The following ATG10 variants were observed in gnomAD, a reference collection of about 807,000 sequenced individuals.
ATG10 encodes the protein ubiquitin-like-conjugating enzyme ATG10.
A neutral mutation model predicts 32.1 loss-of-function variants in ATG10; 30 were observed. That is an observed-to-expected ratio of 0.94 (90% CI 0.70 to 1.27). ATG10 has a LOEUF of 1.27. ATG10 is among the 50% of genes most tolerant of loss of function. The pLI, the probability that ATG10 is intolerant of heterozygous loss-of-function variation, is 0.00. For missense variants in ATG10, 233 were observed against 262.3 expected (o/e 0.89, Z 0.77); for synonymous variants, 87 against 91.5 (o/e 0.95, Z 0.28).
intron 3 of ATG10, among the ~76,000 whole-genome samples, chr5:82,143,561 C>A (rs1350376261): frequency 6.6e-6 from 1 of 152,214 alleles, no homozygotes; most frequent in East Asian, 1.9e-4. Flanking sequence ...ATGACAGTAG[C>A]TAGTGGGGGA....
intron 5 of ATG10, among the ~76,000 whole-genome samples, chr5:82,203,678 A>G (rs1222607406): frequency 6.6e-6 from 1 of 151,978 alleles, no homozygotes; most frequent in Non-Finnish European, 1.5e-5. Context: ...CTTTATTATG[A>G]TGACTGATAT....
intron 2 of ATG10, among the ~76,000 whole-genome samples, chr5:82,022,994 TAC>T (rs1035051506): frequency 6.7e-6 from 1 of 148,406 alleles, no homozygotes; most frequent in Non-Finnish European, 1.5e-5. Flanking sequence ...TATGTATATA[TAC>T]ACACACATAA....
chr5:81,983,991 C>T (rs866361995), intron 1 of ATG10, among the ~76,000 whole-genome samples: 13 of 152,238 alleles, frequency 8.5e-5, no homozygotes, highest in Middle Eastern at 3.4e-3. Flanking sequence ...GGATGGCGGC[C>T]GGGCAGAGAC....
intron 2 of ATG10, among the ~76,000 whole-genome samples, chr5:82,015,010 T>C (rs1762240436): frequency 6.6e-6 from 1 of 152,230 alleles, no homozygotes; most frequent in African/African-American, 2.4e-5. Flanking sequence ...GGAGCTCTTT[T>C]AGGGCAGGCC....
intron 5 of ATG10, among the ~76,000 whole-genome samples, chr5:82,194,918 GGGTT>G (rs1197152542): frequency 6.6e-6 from 1 of 152,122 alleles, no homozygotes; most frequent in Non-Finnish European, 1.5e-5. Flanking sequence ...CCTTGCTTCT[GGGTT>G]ATTAAGCTAA....
chr5:82,148,972 A>C (rs774110412), intron 3 of ATG10, among the ~76,000 whole-genome samples: 6 of 151,890 alleles, frequency 4.0e-5, no homozygotes, highest in African/African-American at 1.2e-4. Context: ...TTCTTTCCCT[A>C]TTAGAAATTT....
chr5:82,237,472 C>T (rs1044390970), intron 5 of ATG10, among the ~76,000 whole-genome samples: 2 of 152,054 alleles, frequency 1.3e-5, no homozygotes, highest in East Asian at 1.9e-4. Flanking sequence ...GATGAAACCC[C>T]GCCTCTACTA....
intron 3 of ATG10, among the ~76,000 whole-genome samples, chr5:82,110,648 T>C (rs1765588576): frequency 6.6e-6 from 1 of 152,078 alleles, no homozygotes. Flanking sequence ...GATGGGGTTG[T>C]TTGTTTTTTT....
chr5:82,174,019 G>A (rs1056704773), intron 4 of ATG10, among the ~76,000 whole-genome samples: 35 of 152,216 alleles, frequency 2.3e-4, no homozygotes, highest in Admixed American at 3.9e-4. Flanking sequence ...AAATATCCCA[G>A]TTTGTTTCAG....
At chr5:82,091,134 A>G (rs1581681206) in intron 3 of ATG10, among the ~76,000 whole-genome samples, 1 of 152,236 alleles carries the variant, frequency 6.6e-6, no homozygotes, top group South Asian at 2.1e-4. Flanking sequence ...GTAGAACAGT[A>G]TAAGAGATAT....
At chr5:82,189,540 A>G (rs537277368) in intron 5 of ATG10, among the ~76,000 whole-genome samples, 13 of 152,328 alleles carry the variant, frequency 8.5e-5, no homozygotes, top group African/African-American at 2.9e-4. Flanking sequence ...TTACACTGTT[A>G]AAGTCTTTAC....
intron 2 of ATG10, among the ~76,000 whole-genome samples, chr5:82,006,879 G>C (rs928061253): frequency 8.5e-5 from 13 of 152,252 alleles, no homozygotes; most frequent in African/African-American, 3.1e-4. Context: ...TTTTGAGACA[G>C]AGTCTCGCTC....
At chr5:82,032,252 A>G (rs532576649) in intron 2 of ATG10, among the ~76,000 whole-genome samples, 1 of 152,288 alleles carries the variant, frequency 6.6e-6, no homozygotes, top group East Asian at 1.9e-4. Flanking sequence ...CAGAGTTTAT[A>G]TATCTGTGCT....
intron 2 of ATG10, chr5:82,009,515 T>C: frequency 1.7e-6 from 2 of 1,179,014 alleles, no homozygotes; most frequent in Admixed American, 1.8e-5. Context: ...TCTAGGATAC[T>C]GCGAGCAAAT....
chr5:82,200,954 A>T (rs1240173870), intron 5 of ATG10, among the ~76,000 whole-genome samples: 3 of 151,416 alleles, frequency 2.0e-5, no homozygotes, highest in African/African-American at 7.3e-5. Context: ...CAGTGGCGTG[A>T]TCTCACTGCA....
intron 2 of ATG10, among the ~76,000 whole-genome samples, chr5:81,988,357 T>G (rs1214857013): frequency 6.6e-6 from 1 of 152,194 alleles, no homozygotes; most frequent in Non-Finnish European, 1.5e-5. Context: ...CAGGGTGGTC[T>G]CGAACTCCTG....
chr5:82,071,787 T>A (rs1764140852), intron 3 of ATG10, among the ~76,000 whole-genome samples: 1 of 152,140 alleles, frequency 6.6e-6, no homozygotes. Flanking sequence ...GAATCTCCCC[T>A]CCAGAGGGGT....
intron 7 of ATG10, among the ~76,000 whole-genome samples, chr5:82,253,844 A>G (rs905833105): frequency 3.9e-5 from 6 of 152,066 alleles, no homozygotes; most frequent in Non-Finnish European, 5.9e-5. Context: ...TCATCCTGAA[A>G]CCATCTCCCA....
intron 2 of ATG10, among the ~76,000 whole-genome samples, chr5:82,006,968 C>T (rs1762001399): frequency 1.3e-5 from 2 of 152,252 alleles, no homozygotes; most frequent in Admixed American, 6.5e-5. Context: ...ATTCTCCTGC[C>T]TCAGCCTCCC....
Sources: gnomAD v4.1 joint callset for allele counts (sites outside exome capture counted in the v4.1 genomes callset) on GRCh38, gnomAD v4.1.1 for gene constraint, MANE v1.5 for transcripts, NCBI Gene and HGNC (gene_info 2026-07-23, HGNC 2026-07-21) for gene names.